The following MMEL1 variants were observed in gnomAD, a reference collection of about 807,000 sequenced individuals.
The protein encoded by MMEL1 is membrane metallo-endopeptidase-like 1.
A neutral mutation model predicts 117.1 loss-of-function variants in MMEL1; 98 were observed. The ratio of observed to expected loss-of-function variants is 0.84; its 90% confidence interval spans 0.71 to 0.99. The LOEUF (loss-of-function observed/expected upper bound fraction) is 0.99, where lower values mean the gene tolerates loss of function less well. MMEL1 is among the 50% of genes least tolerant of loss of function. MMEL1 has a pLI of 0.00. For synonymous variants in MMEL1, 390 were observed against 415.1 expected (o/e 0.94, Z 0.74); for missense variants, 1,014 against 1,049.1 (o/e 0.97, Z 0.46).
intron 6 of MMEL1, 141 bp downstream of exon 6, chr1:2,609,198 A>G (rs569073512): frequency 1.3e-6 from 1 of 792,972 alleles, no homozygotes; most frequent in Admixed American, 2.4e-5. Context: ...GACACAGCAC[A>G]TAGACCCTCT....
intron 2 of MMEL1, among the ~76,000 whole-genome samples, chr1:2,615,559 A>C (rs758755402): frequency 1.3e-5 from 2 of 152,214 alleles, no homozygotes; most frequent in Non-Finnish European, 2.9e-5. Context: ...GGACGGTAAG[A>C]GGACATGAGG....
chr1:2,625,136 C>T (rs938541786), intron 2 of MMEL1, among the ~76,000 whole-genome samples: 2 of 152,128 alleles, frequency 1.3e-5, no homozygotes, highest in African/African-American at 4.8e-5. Context: ...TCATTCTGCC[C>T]CCAGCCCCTC....
chr1:2,598,142 A>T, intron 13 of MMEL1, 65 bp downstream of exon 13: 2 of 1,466,522 alleles, frequency 1.4e-6, no homozygotes, highest in Non-Finnish European at 1.9e-6. Context: ...CCTACAGCTT[A>T]TGCTCAGCAT....
At chr1:2,631,295 C>T (rs567325092) in intron 1 of MMEL1, among the ~76,000 whole-genome samples, 2 of 152,238 alleles carry the variant, frequency 1.3e-5, no homozygotes, top group African/African-American at 4.8e-5. Context: ...GTGGGAGCAG[C>T]GAAAGGAAGC....
chr1:2,601,715 A>G (rs1165497901), intron 11 of MMEL1, among the ~76,000 whole-genome samples: 1 of 152,230 alleles, frequency 6.6e-6, no homozygotes, highest in Non-Finnish European at 1.5e-5. Flanking sequence ...TCAATCAGAG[A>G]AAGATCGCCC....
intron 2 of MMEL1, among the ~76,000 whole-genome samples, chr1:2,617,111 C>T (rs1486390353): frequency 4.6e-5 from 7 of 152,204 alleles, no homozygotes; most frequent in Admixed American, 6.5e-5. Context: ...GGCAAAACCC[C>T]GTCTCTACTA....
chr1:2,609,612 G>A, intron 5 of MMEL1, 58 bp downstream of exon 5: 2 of 1,564,498 alleles, frequency 1.3e-6, no homozygotes, highest in Non-Finnish European at 1.7e-6. Flanking sequence ...ACCAACTCCT[G>A]GCCCGGTGCT....
In MMEL1 at chr1:2,630,136, T is replaced by A. The variant is rs115983191; in HGVS notation, c.-37-615A>T. 1,074 of 152,644 alleles carry A rather than the reference T, an allele frequency of 7.0e-3. 14 individuals are homozygous for A. Among genetic ancestry groups the A allele is most frequent in the African/African-American group, 0.025 (1,027 of 41,550 alleles). 9.5% of individuals were successfully genotyped at this position (152,644 alleles called of 1,614,324 possible). A position where few individuals can be genotyped will look rare whatever the true frequency, so the allele number is the denominator to read the frequency against. On this transcript the variant is annotated intron_variant, in intron 1 of 23. Coordinates refer to ENST00000378412, the MANE Select transcript of MMEL1 (RefSeq NM_033467.4). ...ACACCTTCTGGAGCCAGCAGGGCAGTGGGCAGCACTTGAAGACACACACGG... is the reference window on the plus strand; with the variant it reads ...ACACCTTCTGGAGCCAGCAGGGCAGAGGGCAGCACTTGAAGACACACACGG...
chr1:2,604,078 G>A, intron 10 of MMEL1, 69 bp downstream of exon 10: 2 of 1,571,100 alleles, frequency 1.3e-6, no homozygotes, highest in Admixed American at 3.5e-5. Flanking sequence ...CCCTCACCTT[G>A]GCCAGCCACA....
rs904482620 is a variant in MMEL1, at chr1:2,605,562, C to T, written c.812G>A (p.Arg271Gln). Residue 271 changes from arginine to glutamine, a missense_variant, in exon 9 of 24, where the codon CGG becomes CAG. Arg to Gln is a conservative substitution (Grantham distance 43, BLOSUM62 1). Transcript: ENST00000378412. ...REYYFNGGSN[R>Q]KVREAYLQFM... ...TTGCGGTGAGGACCCACCCACCTTCCGGTTGCTGCCGCCGTTGAAGTAGTA... is the reference window on the plus strand; with the variant it reads ...TTGCGGTGAGGACCCACCCACCTTCTGGTTGCTGCCGCCGTTGAAGTAGTA... The T allele has an allele frequency of 4.0e-5, 65 of 1,611,928 alleles. No homozygotes were observed. Among genetic ancestry groups the T allele is most frequent in the African/African-American group, 6.7e-5 (5 of 74,884 alleles).
At chr1:2,632,027 G>A (rs867633527) in intron 1 of MMEL1, among the ~76,000 whole-genome samples, 30 of 152,240 alleles carry the variant, frequency 2.0e-4, no homozygotes, top group African/African-American at 6.0e-4. Context: ...GACCCTCTTT[G>A]GCCCTCCTCC....
intron 13 of MMEL1, among the ~76,000 whole-genome samples, chr1:2,598,005 T>A (rs1644872379): frequency 6.6e-6 from 1 of 152,216 alleles, no homozygotes; most frequent in Non-Finnish European, 1.5e-5. Context: ...CCCCGCCACA[T>A]CATACTCTGC....
intron 6 of MMEL1, 28 bp from the exon 7 acceptor site, chr1:2,607,097 C>A (rs1183678316): frequency 1.3e-6 from 2 of 1,593,384 alleles, no homozygotes; most frequent in East Asian, 2.2e-5. Flanking sequence ...GGTCACTCTC[C>A]CAGCCTCCCT....
chr1:2,594,706 C>A, intron 17 of MMEL1, 84 bp downstream of exon 17: 1 of 1,223,370 alleles, frequency 8.2e-7, no homozygotes, highest in South Asian at 1.3e-5. Flanking sequence ...CGCATCCAGT[C>A]CCCCGCCTGG....
At chr1:2,609,034 T>TAC (rs70956312) in intron 6 of MMEL1, among the ~76,000 whole-genome samples, 5,520 of 144,600 alleles carry the variant, frequency 0.038, 134 homozygotes, top group Middle Eastern at 0.06. Flanking sequence ...ATCCATATAA[T>TAC]ACACACACAC....
At chr1:2,593,354 C>A (rs111608292) in intron 19 of MMEL1, among the ~76,000 whole-genome samples, 90 of 152,336 alleles carry the variant, frequency 5.9e-4, no homozygotes, top group African/African-American at 2.1e-3. Flanking sequence ...GATGGCCGAG[C>A]CACAGGGGAA....
chr1:2,608,794 G>T (rs1199197411), intron 6 of MMEL1, among the ~76,000 whole-genome samples: 2 of 151,926 alleles, frequency 1.3e-5, no homozygotes, highest in Non-Finnish European at 2.9e-5. Context: ...CACACCGCAT[G>T]CATATACATA....
In MMEL1 at chr1:2,606,237, G is replaced by C. The variant is rs375267916; in HGVS notation, c.750+11C>G. The C allele has an allele frequency of 6.2e-7, 1 of 1,609,268 alleles. No homozygotes were observed. The highest frequency in any genetic ancestry group is 8.5e-7 in the Non-Finnish European group (1 of 1,176,490). On this transcript the variant is annotated intron_variant, in intron 8 of 23. Coordinates refer to ENST00000378412, the MANE Select transcript of MMEL1 (RefSeq NM_033467.4). ...ACCCTGCCTACCCCTGCCCACCGGCGCGGCTCGTACGTAGATGATGTGCCG... is the reference window on the plus strand; with the variant it reads ...ACCCTGCCTACCCCTGCCCACCGGCCCGGCTCGTACGTAGATGATGTGCCG...
chr1:2,598,347 T>C, intron 12 of MMEL1, 47 bp from the exon 13 acceptor site: 1 of 1,580,136 alleles, frequency 6.3e-7, no homozygotes, highest in South Asian at 1.1e-5. Context: ...TGAGAGGTCT[T>C]TGCAAGGGAG....
Sources: gnomAD v4.1 joint callset for allele counts (sites outside exome capture counted in the v4.1 genomes callset) on GRCh38, gnomAD v4.1.1 for gene constraint, MANE v1.5 for transcripts, NCBI Gene and HGNC (gene_info 2026-07-23, HGNC 2026-07-21) for gene names.